The following LRP1B variants were observed in gnomAD, a reference collection of about 807,000 sequenced individuals.
LRP1B encodes the protein low-density lipoprotein receptor-related protein 1B.
A neutral mutation model predicts 556.6 loss-of-function variants in LRP1B; 217 were observed. The observed-to-expected ratio is 0.39, with a 90% CI of 0.35 to 0.44. The LOEUF is 0.44. LRP1B is among the 20% of genes least tolerant of loss of function. The pLI is 1.00. For synonymous variants in LRP1B, 2,047 were observed against 1,865.8 expected (o/e 1.10, Z -2.50); for missense variants, 5,053 against 5,620.8 (o/e 0.90, Z 3.23).
At position 141,549,924 on chromosome 2, in the gene LRP1B, G is replaced by T. The variant is rs141281717; in HGVS notation, c.206-69391C>A. On this transcript the variant is annotated intron_variant, in intron 2 of 90. Transcript: ENST00000389484. ...GCAGGAGAATTGCTTGAACCTAGGA[G>T]GCGGAGGTTGCAGTAAGCCAAGGTT... 6.6e-3 allele frequency among the ~76,000 whole-genome samples: 1,002 copies of T among 152,290 alleles called. 8 individuals are homozygous for T. The highest frequency in any genetic ancestry group is 0.023 in the African/African-American group (936 of 41,556).
intron 3 of LRP1B, among the ~76,000 whole-genome samples, chr2:141,375,798 T>C (rs1689406749): frequency 6.6e-6 from 1 of 152,100 alleles, no homozygotes; most frequent in Admixed American, 6.5e-5. Context: ...CATATCTCAG[T>C]CTCACAGCAG....
chr2:141,047,046 C>CGCTCCAGCCTGGGCG (rs1698892237), intron 11 of LRP1B, among the ~76,000 whole-genome samples: 2 of 8,292 alleles, frequency 2.4e-4, no homozygotes, highest in African/African-American at 2.1e-4. Context: ...TGCAGCACTG[C>CGCTCCAGCCTGGGCG]ACAAAAATTA....
chr2:141,920,820 A>G (rs1700165810), intron 1 of LRP1B, among the ~76,000 whole-genome samples: 1 of 151,982 alleles, frequency 6.6e-6, no homozygotes, highest in African/African-American at 2.4e-5. Flanking sequence ...ATGGATTCAT[A>G]TTTTCTAATG....
At chr2:141,215,088 G>A (rs1682734828) in intron 6 of LRP1B, among the ~76,000 whole-genome samples, 1 of 152,114 alleles carries the variant, frequency 6.6e-6, no homozygotes, top group Admixed American at 6.6e-5. Flanking sequence ...TGGGTTATGG[G>A]GGTAGATCCC....
At chr2:140,963,646 G>A (rs1696106583) in intron 18 of LRP1B, among the ~76,000 whole-genome samples, 1 of 152,020 alleles carries the variant, frequency 6.6e-6, no homozygotes, top group Non-Finnish European at 1.5e-5. Context: ...TGAATTACTT[G>A]AAAAAAACAC....
At chr2:141,271,390 C>G (rs570319827) in intron 3 of LRP1B, among the ~76,000 whole-genome samples, 130 of 147,062 alleles carry the variant, frequency 8.8e-4, no homozygotes, top group African/African-American at 3.1e-3. Flanking sequence ...TCAACACAAC[C>G]AAGAATCAAC....
chr2:141,911,701 A>T (rs1391926011), intron 1 of LRP1B, among the ~76,000 whole-genome samples: 1 of 152,140 alleles, frequency 6.6e-6, no homozygotes, highest in African/African-American at 2.4e-5. Context: ...GAGTGACATC[A>T]CTTAGATACA....
At chr2:141,786,341 AAGG>A (rs1695430148) in intron 2 of LRP1B, among the ~76,000 whole-genome samples, 1 of 151,936 alleles carries the variant, frequency 6.6e-6, no homozygotes, top group Non-Finnish European at 1.5e-5. Flanking sequence ...ATTATAGAGA[AAGG>A]AGAACTGTGG....
At chr2:140,244,235 A>G (rs1418290715) in intron 87 of LRP1B, among the ~76,000 whole-genome samples, 1 of 151,238 alleles carries the variant, frequency 6.6e-6, no homozygotes, top group Non-Finnish European at 1.5e-5. Flanking sequence ...TTCCTGGTAT[A>G]ATATAACCAG....
chr2:140,680,030 C>T (rs1230956537), intron 41 of LRP1B, among the ~76,000 whole-genome samples: 1 of 151,946 alleles, frequency 6.6e-6, no homozygotes, highest in Non-Finnish European at 1.5e-5. Flanking sequence ...TAAGACAGTT[C>T]TTCCAATGTG....
In LRP1B at chr2:141,497,013, A is replaced by G. The variant is rs1246248188; in HGVS notation, c.206-16480T>C. 2.0e-5 allele frequency among the ~76,000 whole-genome samples: 3 copies of G among 152,154 alleles called. No individual in the cohort carries two copies. In the East Asian group the frequency reaches 5.8e-4, roughly 29 times the overall value. On this transcript the variant is annotated intron_variant, in intron 2 of 90. Coordinates refer to ENST00000389484, the MANE Select transcript of LRP1B (RefSeq NM_018557.3). ...ACTTCTCAATTTACTGCACATTATC[A>G]TACATCAAGGATCAGCAGCCTCAGT...
chr2:141,809,274 G>A (rs1696260615), intron 2 of LRP1B, among the ~76,000 whole-genome samples: 1 of 152,096 alleles, frequency 6.6e-6, no homozygotes, highest in African/African-American at 2.4e-5. Flanking sequence ...CTAACAGCAA[G>A]GTTTTCTTCA....
In LRP1B at chr2:140,366,045, A is replaced by C. The variant is rs553515312; in HGVS notation, c.11009-1262T>G. Among the ~76,000 whole-genome samples, 5 of 151,850 alleles carry C rather than the reference A, an allele frequency of 3.3e-5. No individual in the cohort carries two copies. The South Asian group carries it at 1.0e-3, about 31-fold the overall frequency. ...ATTCACATCCAGTAGCAAAAGTTTT[A>C]ATTTAAGAAGTGATAGAATCAGTTG... On this transcript the variant is annotated intron_variant, in intron 71 of 90. Transcript: ENST00000389484.
intron 2 of LRP1B, among the ~76,000 whole-genome samples, chr2:141,780,947 T>A (rs758045064): frequency 1.3e-5 from 2 of 152,156 alleles, no homozygotes; most frequent in African/African-American, 2.4e-5. Context: ...TTCAAATTTA[T>A]TATTTTCGAT....
intron 3 of LRP1B, among the ~76,000 whole-genome samples, chr2:141,459,440 A>G (rs535608140): frequency 6.6e-6 from 1 of 152,290 alleles, no homozygotes; most frequent in East Asian, 1.9e-4. Context: ...TTGTGGGTGC[A>G]GGCATATGTT....
At chr2:140,993,903 G>C (rs2105358385) in intron 16 of LRP1B, 92 bp downstream of exon 16, 1 of 1,275,214 alleles carries the variant, frequency 7.8e-7, no homozygotes, top group East Asian at 2.4e-5. Flanking sequence ...TGCATCAAAG[G>C]TATTTTCAGA....
rs575863957 is a variant in LRP1B at position 140,868,210 on chromosome 2, G to A, written c.4223C>T (p.Ser1408Phe). Residue 1408 changes from serine (S) to phenylalanine (F), a missense_variant, in exon 26 of 91, where the codon TCT (serine) becomes TTT (phenylalanine). Ser to Phe is a radical substitution (Grantham distance 155, BLOSUM62 -2). Transcript: ENST00000389484. ...DANFPRIESA[S>F]MSGAGRKTIY... is the part of the protein sequence containing the mutation. ...GGTTTTTCTCCCAGCACCACTCATA[G>A]AGGCAGATTCAATGCGAGGAAAATT... 7 of 1,602,896 alleles carry A rather than the reference G, an allele frequency of 4.4e-6. No homozygotes were observed. In the Admixed American group the frequency reaches 5.1e-5, roughly 12 times the overall value.
At chr2:140,934,420 C>A (rs904916647) in intron 20 of LRP1B, among the ~76,000 whole-genome samples, 24 of 152,146 alleles carry the variant, frequency 1.6e-4, no homozygotes, top group African/African-American at 5.3e-4. Flanking sequence ...CATCTCTCCA[C>A]CCAGACAACA....
intron 2 of LRP1B, among the ~76,000 whole-genome samples, chr2:141,655,163 T>C (rs918641557): frequency 1.5e-4 from 23 of 152,166 alleles, no homozygotes; most frequent in African/African-American, 4.6e-4. Flanking sequence ...AGTTGACTTA[T>C]TTAGGAACTT....
Sources: allele counts gnomAD v4.1 joint callset (sites outside exome capture counted in the v4.1 genomes callset), GRCh38; gene constraint gnomAD v4.1.1; transcripts MANE v1.5; gene names NCBI Gene and HGNC (gene_info 2026-07-23, HGNC 2026-07-21).